The following CCR10 variants were observed in gnomAD, a reference collection of about 807,000 sequenced individuals.
CCR10 encodes C-C chemokine receptor type 10.
A neutral mutation model predicts 11.9 loss-of-function variants in CCR10; 11 were observed. The observed-to-expected ratio is 0.92, with a 90% CI of 0.58 to 1.53. The LOEUF (loss-of-function observed/expected upper bound fraction) is 1.53, where lower values mean the gene tolerates loss of function less well. Ranked by LOEUF, CCR10 falls within the 40% of genes most tolerant of loss-of-function variation. CCR10 has a pLI of 0.00. For missense variants in CCR10, 428 were observed against 496.6 expected (o/e 0.86, Z 1.31); for synonymous variants, 224 against 245.4 (o/e 0.91, Z 0.81).
In CCR10 at chr17:42,679,495, C is replaced by T. The variant is rs1206628914; in HGVS notation, c.*58G>A. The T allele has an allele frequency of 1.6e-6, 2 of 1,249,836 alleles. No individual in the cohort carries two copies. The highest frequency in any genetic ancestry group is 2.2e-6 in the Non-Finnish European group (2 of 926,720). The allele number at this position is 1,249,836 out of a possible 1,614,324, so 77.4% of individuals were successfully genotyped here. A position where few individuals can be genotyped will look rare whatever the true frequency, so the allele number is the denominator to read the frequency against. On this transcript the variant is annotated 3_prime_UTR_variant, in exon 2 of 2. Transcript: ENST00000332438. ...GTCCCTGCCTCTTTCTCAGTGTTCC[C>T]CCACCTACTCCCCTTTCCCACGACC...
At chr17:42,680,699 TG>T in intron 1 of CCR10, 82 bp from the exon 2 acceptor site, 1 of 961,000 alleles carries the variant, frequency 1.0e-6, no homozygotes, top group Non-Finnish European at 1.6e-6. Context: ...CCTTCCAAGC[TG>T]AGAGCTCCTG....
chr17:42,680,076 C>T lies in CCR10; in HGVS notation c.566G>A (p.Arg189Gln), dbSNP rs770582830. The T allele has an allele frequency of 1.2e-6, 2 of 1,607,490 alleles. No individual in the cohort carries two copies. Among genetic ancestry groups the T allele is most frequent in the East Asian group, 2.2e-5 (1 of 44,724 alleles). ...CTCGGGGAAGATGAGGCGACAGCGTCGTTGGCCTTCCCGCTGCCCATCCTG... is the reference window on the plus strand; with the variant it reads ...CTCGGGGAAGATGAGGCGACAGCGTTGTTGGCCTTCCCGCTGCCCATCCTG... ...FSQDGQREGQRRCRLIFPEGL... is the reference protein window; with the variant it reads ...FSQDGQREGQQRCRLIFPEGL... The change falls in exon 2 of 2, where the codon CGA (arginine) becomes CAA (glutamine). Residue 189 changes from arginine (R) to glutamine (Q), a missense_variant. By Grantham distance (43) the Arg-to-Gln change is conservative (BLOSUM62 1). Coordinates refer to ENST00000332438, the MANE Select transcript of CCR10 (RefSeq NM_016602.3).
intron 1 of CCR10, chr17:42,681,519 C>T (rs2052932809): frequency 1.8e-6 from 1 of 553,278 alleles, no homozygotes; most frequent in Non-Finnish European, 3.2e-6. Flanking sequence ...CCACTCATGC[C>T]AAGGGGGTCT....
rs765466722 is a variant in CCR10, at chr17:42,679,898, G to C, written c.744C>G (p.Val248=). The C allele has an allele frequency of 3.2e-6, 5 of 1,572,676 alleles. No homozygotes were observed. Among genetic ancestry groups the C allele is most frequent in the South Asian group, 2.3e-5 (2 of 87,460 alleles). ...CGAAGGCCGCCACCAGAGCCACCAC[G>C]ACGCGCAGCGCACGCCGGCGCTCGG... is the stretch of plus-strand genomic sequence containing the variant. ...RGPERRRALR[V]VVALVAAFVV... The change falls in exon 2 of 2, where the codon GTC becomes GTG. Residue 248 remains valine (V), a synonymous_variant. Coordinates refer to ENST00000332438, the MANE Select transcript of CCR10 (RefSeq NM_016602.3).
In CCR10 at chr17:42,680,179, G is replaced by A; in HGVS notation, c.463C>T (p.Pro155Ser). 5.0e-6 allele frequency: 8 copies of A among 1,610,884 alleles called. No homozygotes were observed. Among genetic ancestry groups the A allele is most frequent in the Non-Finnish European group, 5.9e-6 (7 of 1,179,152 alleles). The stretch of plus-strand genomic sequence containing the variant: ...ACGGAGACCAAGTGTGCGCGGCCGG[G>A]AGTGGAGGGCCGCGGCCCGGCTGGG... ...ALPAGPRPSTPGRAHLVSVIV... is the reference protein window; with the variant it reads ...ALPAGPRPSTSGRAHLVSVIV... Residue 155 changes from proline (P) to serine (S), a missense_variant, in exon 2 of 2, where the codon CCC (proline) becomes TCC (serine). By Grantham distance (74) the Pro-to-Ser change is moderately conservative. Coordinates refer to ENST00000332438, the MANE Select transcript of CCR10 (RefSeq NM_016602.3).
In CCR10 at chr17:42,679,780, T is replaced by TG. The variant is rs1334828315; in HGVS notation, c.861dup (p.Lys288GlnfsTer81). The TG allele has an allele frequency of 6.2e-7, 1 of 1,606,878 alleles. No individual in the cohort carries two copies. The highest frequency in any genetic ancestry group is 1.1e-5 in the South Asian group (1 of 90,522). On this transcript the variant is annotated frameshift_variant, in exon 2 of 2. Transcript: ENST00000332438. LOFTEE classifies it high-confidence loss of function. ...CTGGTCACCAGCAGTGCGACATCCT[T>TG]GCGTTTGCTGGCAGGGCAGCTCCGC...
chr17:42,679,470 G>A lies in CCR10; in HGVS notation c.*83C>T. ...CAAGGCACAGAGGTAGTCCCTTTAG[G>A]TCCCTGCCTCTTTCTCAGTGTTCCC... On this transcript the variant is annotated 3_prime_UTR_variant, in exon 2 of 2. Transcript: ENST00000332438. 1.0e-6 allele frequency: 1 copy of A among 962,114 alleles called. No homozygotes were observed. 59.6% of individuals were successfully genotyped at this position (962,114 alleles called of 1,614,324 possible).
Position 42,679,649 on chromosome 17 carries a change from G to C in CCR10, c.993C>G (p.Pro331=). ...LRRLLRGGSC[P]SGPQPRRGCP... ...AGCCGCGGCGGGGTTGAGGCCCTGA[G>C]GGGCAGCTCCCACCCCGTAGCAGCC... Residue 331 remains proline (P), a synonymous_variant, in exon 2 of 2, where the codon CCC becomes CCG. Coordinates refer to ENST00000332438, the MANE Select transcript of CCR10 (RefSeq NM_016602.3). The C allele has an allele frequency of 6.7e-7, 1 of 1,494,668 alleles. No homozygotes were observed. Among genetic ancestry groups the C allele is most frequent in the East Asian group, 2.5e-5 (1 of 40,008 alleles). The allele number at this position is 1,494,668 out of a possible 1,614,324, so 92.6% of individuals were successfully genotyped here.
Position 42,680,454 on chromosome 17 carries a change from A to T in CCR10, c.188T>A (p.Leu63Gln). 6.3e-7 allele frequency: 1 copy of T among 1,599,912 alleles called. No individual in the cohort carries two copies. The highest frequency in any genetic ancestry group is 1.7e-4 in the Middle Eastern group (1 of 5,938). Reference sequence around the variant, plus strand: ...GCGTCGGGCTGCCAGGTGGGTGGCCAGGACCAGGCCATTGCCGGCCAGACC... The same window carrying T: ...GCGTCGGGCTGCCAGGTGGGTGGCCTGGACCAGGCCATTGCCGGCCAGACC... ...ALGLAGNGLV[L>Q]ATHLAARRAA... Residue 63 changes from leucine to glutamine, a missense_variant, in exon 2 of 2, where the codon CTG (leucine) becomes CAG (glutamine). Leu to Gln is a moderately radical substitution (Grantham distance 113). Transcript: ENST00000332438.
In CCR10 at chr17:42,680,295, A is replaced by G. The variant is rs1705074118; in HGVS notation, c.347T>C (p.Ile116Thr). The change falls in exon 2 of 2, where the codon ATC becomes ACC. Residue 116 changes from isoleucine to threonine, a missense_variant. Transcript: ENST00000332438. ...GAAGGAGGCCGAGTAGAGGCCAGAG[A>G]TGGTGCGGCAGGTGGCACTTCCCAG... ...WSLGSATCRT[I>T]SGLYSASFHA... 2.5e-5 allele frequency: 39 copies of G among 1,558,286 alleles called. No homozygotes were observed. Among genetic ancestry groups the G allele is most frequent in the Non-Finnish European group, 3.4e-5 (39 of 1,151,344 alleles).
rs1263477082 is a variant in CCR10 at position 42,678,975 on chromosome 17, A to C, written c.*578T>G. On this transcript the variant is annotated 3_prime_UTR_variant, in exon 2 of 2. Transcript: ENST00000332438. Reference sequence around the variant, plus strand: ...TGGTTATGAAATCCAAACGCCCACCAAAAACGGGAATCCCCTGCCCCTCCC... The same window carrying C: ...TGGTTATGAAATCCAAACGCCCACCCAAAACGGGAATCCCCTGCCCCTCCC... 6.6e-6 allele frequency: 1 copy of C among 152,380 alleles called. No homozygotes were observed. Among genetic ancestry groups the C allele is most frequent in the Non-Finnish European group, 1.5e-5 (1 of 68,176 alleles). 9.4% of individuals were successfully genotyped at this position (152,380 alleles called of 1,614,324 possible). A position where few individuals can be genotyped will look rare whatever the true frequency, so the allele number is the denominator to read the frequency against.
Position 42,680,831 on chromosome 17 carries a change from G to A in CCR10, c.25-214C>T, listed in dbSNP as rs561056687. On this transcript the variant is annotated intron_variant, in intron 1 of 1. Coordinates refer to ENST00000332438, the MANE Select transcript of CCR10 (RefSeq NM_016602.3). ...CCTACCTCTGCTTCCAGCTTCCTGG[G>A]TGACCTTGAGCAAGCCACTTGCTCT... is the stretch of plus-strand genomic sequence containing the variant. Among the ~76,000 whole-genome samples the A allele has an allele frequency of 2.9e-4, 44 of 152,194 alleles. No individual in the cohort carries two copies. In the South Asian group the frequency reaches 2.9e-3, roughly 10 times the overall value.
At position 42,680,114 on chromosome 17, in the gene CCR10, C is replaced by A. The variant is rs533628082; in HGVS notation, c.528G>T (p.Ala176=). The A allele has an allele frequency of 6.2e-7, 1 of 1,611,714 alleles. No individual in the cohort carries two copies. Among genetic ancestry groups the A allele is most frequent in the African/African-American group, 1.3e-5 (1 of 74,924 alleles). The change falls in exon 2 of 2, where the codon GCG becomes GCT. Residue 176 remains alanine, a synonymous_variant. Coordinates refer to ENST00000332438, the MANE Select transcript of CCR10 (RefSeq NM_016602.3). The part of the protein sequence containing the change: ...WLLSLLLALP[A]LLFSQDGQRE... Reference sequence around the variant, plus strand: ...GCTGCCCATCCTGGCTGAAGAGCAGCGCAGGCAGCGCCAGGAGCAGTGACA... The same window carrying A: ...GCTGCCCATCCTGGCTGAAGAGCAGAGCAGGCAGCGCCAGGAGCAGTGACA...
chr17:42,681,015 A>T (rs1051727373), intron 1 of CCR10, among the ~76,000 whole-genome samples: 3 of 151,786 alleles, frequency 2.0e-5, no homozygotes, highest in East Asian at 1.9e-4. Flanking sequence ...TATTATTATT[A>T]TTTATTATTA....
At chr17:42,681,338 T>C in intron 1 of CCR10, 1 of 175,298 alleles carries the variant, frequency 5.7e-6, no homozygotes, top group Non-Finnish European at 1.2e-5. Flanking sequence ...TATTAATAAA[T>C]CCTACAGCTT....
In CCR10 at chr17:42,679,617, CG is replaced by C; in HGVS notation, c.1024del (p.Arg342AlafsTer32). ...SGPQPRRGCP[R>X]RPRLSSCSAP... ...TGAGCAGGAAGAAAGGCGGGGCCGG[CG>C]GGGGCAGCCGCGGCGGGGTTGAGGC... On this transcript the variant is annotated frameshift_variant, in exon 2 of 2. Coordinates refer to ENST00000332438, the MANE Select transcript of CCR10 (RefSeq NM_016602.3). LOFTEE classifies it high-confidence loss of function. The C allele has an allele frequency of 3.4e-6, 5 of 1,481,532 alleles. No individual in the cohort carries two copies. The South Asian group carries it at 5.6e-5, about 17-fold the overall frequency. The allele number at this position is 1,481,532 out of a possible 1,614,324, so 91.8% of individuals were successfully genotyped here. A position where few individuals can be genotyped will look rare whatever the true frequency, so the allele number is the denominator to read the frequency against.
In CCR10 at chr17:42,679,480, C is replaced by A. The variant is rs946779648; in HGVS notation, c.*73G>T. 2 of 1,113,472 alleles carry A rather than the reference C, an allele frequency of 1.8e-6. No individual in the cohort carries two copies. The highest frequency in any genetic ancestry group is 2.8e-5 in the Admixed American group (1 of 35,706). 69.0% of individuals were successfully genotyped at this position (1,113,472 alleles called of 1,614,324 possible). A position where few individuals can be genotyped will look rare whatever the true frequency, so the allele number is the denominator to read the frequency against. ...AGGTAGTCCCTTTAGGTCCCTGCCT[C>A]TTTCTCAGTGTTCCCCCACCTACTC... On this transcript the variant is annotated 3_prime_UTR_variant, in exon 2 of 2. Transcript: ENST00000332438.
At chr17:42,681,259 G>A (rs145001867) in intron 1 of CCR10, 5,219 of 154,208 alleles carry the variant, frequency 0.034, 297 homozygotes, top group African/African-American at 0.12. Context: ...CAGGTGATCC[G>A]CCCACCTTGG....
At chr17:42,680,656 C>T in intron 1 of CCR10, 39 bp from the exon 2 acceptor site, 5 of 1,391,530 alleles carry the variant, frequency 3.6e-6, no homozygotes, top group Non-Finnish European at 4.9e-6. Context: ...TTATGAGACA[C>T]ATCTGACCAC....
Sources: allele counts gnomAD v4.1 joint callset (sites outside exome capture counted in the v4.1 genomes callset), GRCh38; gene constraint gnomAD v4.1.1; transcripts MANE v1.5; gene names NCBI Gene and HGNC (gene_info 2026-07-23, HGNC 2026-07-21).